Variants in FAM149B1 observed in about 807,000 individuals in gnomAD.
FAM149B1 encodes the protein family with sequence similarity 149 member B1.
A neutral mutation model predicts 75.3 loss-of-function variants in FAM149B1; 56 were observed. That is an observed-to-expected ratio of 0.74 (90% CI 0.60 to 0.93). FAM149B1 has a LOEUF of 0.93. Among genes scored for constraint, FAM149B1 ranks in the 40% least tolerant of loss-of-function variants. The pLI, the probability that FAM149B1 is intolerant of heterozygous loss-of-function variation, is 0.00. For missense variants in FAM149B1, 639 were observed against 708.4 expected (o/e 0.90, Z 1.11); for synonymous variants, 259 against 256.1 (o/e 1.01, Z -0.11).
intron 7 of FAM149B1, among the ~76,000 whole-genome samples, chr10:73,212,080 G>A (rs2043196317): frequency 6.6e-6 from 1 of 152,142 alleles, no homozygotes; most frequent in Non-Finnish European, 1.5e-5. Flanking sequence ...TATTTCGCTA[G>A]GATAATGGCC....
intron 7 of FAM149B1, among the ~76,000 whole-genome samples, chr10:73,222,246 C>G (rs1480186407): frequency 6.6e-6 from 1 of 152,246 alleles, no homozygotes; most frequent in East Asian, 1.9e-4. Flanking sequence ...TCTGGTCTTT[C>G]TTTTATGATT....
chr10:73,204,098 G>T (rs771152622), intron 5 of FAM149B1, among the ~76,000 whole-genome samples: 1 of 151,920 alleles, frequency 6.6e-6, no homozygotes, highest in Non-Finnish European at 1.5e-5. Context: ...TTGTTTAAAA[G>T]TGCCATGGGT....
chr10:73,207,941 A>G (rs1236945444), intron 5 of FAM149B1, among the ~76,000 whole-genome samples: 1 of 152,224 alleles, frequency 6.6e-6, no homozygotes, highest in Non-Finnish European at 1.5e-5. Context: ...CACTGGAATG[A>G]GTCAAGACTT....
rs78991310 is a variant in FAM149B1, at chr10:73,208,697, C to T, written c.621C>T (p.Ser207=). ...HKASSIAKSS[S]FCSMERDEED... is the part of the protein sequence containing the mutation. Reference sequence around the variant, plus strand: ...CATCTTCCATTGCCAAATCCTCCAGCTTTTGTTCTATGGAAAGAGATGAGG... The same window carrying T: ...CATCTTCCATTGCCAAATCCTCCAGTTTTTGTTCTATGGAAAGAGATGAGG... The change falls in exon 6 of 14, where the codon AGC becomes AGT. Residue 207 remains serine, a synonymous_variant. Transcript: ENST00000242505. The T allele has an allele frequency of 1.0e-3, 1,613 of 1,549,016 alleles. No homozygotes were observed. The highest frequency in any genetic ancestry group is 1.4e-3 in the Non-Finnish European group (1,561 of 1,145,290).
At chr10:73,188,742 AAAGGAAGGAAGGAGGGAAGGAAGG>A (rs2042595981) in intron 3 of FAM149B1, among the ~76,000 whole-genome samples, 1 of 130,708 alleles carries the variant, frequency 7.7e-6, no homozygotes, top group Non-Finnish European at 1.6e-5. Flanking sequence ...AGAAAAAAAA[AAAGGAAGGAAGGAGGGAAGGAAGG>A]AAGGAAGGAA....
At chr10:73,185,014 G>A (rs949740632) in intron 3 of FAM149B1, among the ~76,000 whole-genome samples, 4 of 152,036 alleles carry the variant, frequency 2.6e-5, no homozygotes, top group African/African-American at 7.3e-5. Flanking sequence ...CAAGAAAGAA[G>A]AGAGATTGAC....
At chr10:73,178,771 T>C (rs1396336878) in intron 3 of FAM149B1, among the ~76,000 whole-genome samples, 2 of 152,176 alleles carry the variant, frequency 1.3e-5, no homozygotes, top group African/African-American at 4.8e-5. Context: ...GACCAAAATA[T>C]TTACTCAAAA....
intron 7 of FAM149B1, among the ~76,000 whole-genome samples, chr10:73,211,247 C>T (rs912306076): frequency 6.6e-6 from 1 of 152,208 alleles, no homozygotes; most frequent in African/African-American, 2.4e-5. Flanking sequence ...CCCCTGTCTT[C>T]TCCCTAGAGG....
intron 5 of FAM149B1, chr10:73,200,292 A>G (rs749065056): frequency 3.4e-5 from 12 of 352,514 alleles, no homozygotes; most frequent in Non-Finnish European, 6.6e-5. Flanking sequence ...AGATTGCACC[A>G]TTGCACTCCA....
At chr10:73,233,225 ATTAAT>A in intron 10 of FAM149B1, 62 bp downstream of exon 10, 6 of 1,121,024 alleles carry the variant, frequency 5.4e-6, no homozygotes, top group Non-Finnish European at 6.6e-6. Flanking sequence ...TACATACAGA[ATTAAT>A]TTAAATATAA....
In FAM149B1 at chr10:73,244,252, T is replaced by G; in HGVS notation, c.*3233T>G. 1 of 248,732 alleles carries G rather than the reference T, an allele frequency of 4.0e-6. No homozygotes were observed. Among genetic ancestry groups the G allele is most frequent in the Non-Finnish European group, 7.7e-6 (1 of 129,514 alleles). The allele number at this position is 248,732 out of a possible 1,614,324, so 15.4% of individuals were successfully genotyped here. A position where few individuals can be genotyped will look rare whatever the true frequency, so the allele number is the denominator to read the frequency against. ...GGCTCACAACTGTAATCCCCATACCTTGGGAGGCCAAGGTGGGAGGATCAC... is the reference window on the plus strand; with the variant it reads ...GGCTCACAACTGTAATCCCCATACCGTGGGAGGCCAAGGTGGGAGGATCAC... On this transcript the variant is annotated 3_prime_UTR_variant, in exon 14 of 14. Coordinates refer to ENST00000242505, the MANE Select transcript of FAM149B1 (RefSeq NM_173348.2).
In FAM149B1 at chr10:73,210,458, T is replaced by C. The variant is rs199959304; in HGVS notation, c.898+20T>C. On this transcript the variant is annotated intron_variant, in intron 7 of 13. Coordinates refer to ENST00000242505, the MANE Select transcript of FAM149B1 (RefSeq NM_173348.2). ...CCTCTGGTAAGGATCTTTGTGAAAATAATGTAAAAATCAATTGTTTATGAT... is the reference window on the plus strand; with the variant it reads ...CCTCTGGTAAGGATCTTTGTGAAAACAATGTAAAAATCAATTGTTTATGAT... The C allele has an allele frequency of 4.8e-4, 715 of 1,487,678 alleles. 2 individuals are homozygous for C. The highest frequency in any genetic ancestry group is 3.8e-4 in the Non-Finnish European group (413 of 1,098,632). The allele number at this position is 1,487,678 out of a possible 1,614,324, so 92.2% of individuals were successfully genotyped here. A position where few individuals can be genotyped will look rare whatever the true frequency, so the allele number is the denominator to read the frequency against.
At chr10:73,217,346 T>G (rs2043320520) in intron 7 of FAM149B1, among the ~76,000 whole-genome samples, 1 of 152,236 alleles carries the variant, frequency 6.6e-6, no homozygotes, top group Non-Finnish European at 1.5e-5. Context: ...GATACACATT[T>G]CACTTCTTAA....
At chr10:73,227,953 A>C in intron 7 of FAM149B1, 107 bp from the exon 8 acceptor site, 1 of 1,170,020 alleles carries the variant, frequency 8.5e-7, no homozygotes, top group Non-Finnish European at 1.2e-6. Flanking sequence ...AAGATAAGTG[A>C]AGCCTTGTTT....
intron 3 of FAM149B1, among the ~76,000 whole-genome samples, chr10:73,179,098 A>G (rs966309661): frequency 1.3e-5 from 2 of 151,326 alleles, no homozygotes; most frequent in African/African-American, 2.4e-5. Context: ...CTGAGTAGCT[A>G]GGACTATAAG....
rs2043974792 is a variant in FAM149B1, at chr10:73,243,356, T to C, written c.*2337T>C. 1.9e-6 allele frequency: 3 copies of C among 1,607,742 alleles called. No homozygotes were observed. Among genetic ancestry groups the C allele is most frequent in the Non-Finnish European group, 2.5e-6 (3 of 1,178,258 alleles). On this transcript the variant is annotated 3_prime_UTR_variant, in exon 14 of 14. Transcript: ENST00000242505. ...AATCCTGCCTGCACCTTGCCTACGA[T>C]GGCATCAATTTACACCTAAGGACCT...
rs2043750600 is a variant in FAM149B1, at chr10:73,233,180, G to C, written c.1352+17G>C. 12 of 1,504,112 alleles carry C rather than the reference G, an allele frequency of 8.0e-6. No individual in the cohort carries two copies. In the East Asian group the frequency reaches 2.7e-4, roughly 34 times the overall value. 93.2% of individuals were successfully genotyped at this position (1,504,112 alleles called of 1,614,324 possible). A position where few individuals can be genotyped will look rare whatever the true frequency, so the allele number is the denominator to read the frequency against. ...AGCCCGAGTGTAGGTTTCAAAAGCA[G>C]AACTTCTGGAAACCGTGGTAAAACT... On this transcript the variant is annotated intron_variant, in intron 10 of 13. Coordinates refer to ENST00000242505, the MANE Select transcript of FAM149B1 (RefSeq NM_173348.2).
chr10:73,226,697 G>C (rs1347068847), intron 7 of FAM149B1, among the ~76,000 whole-genome samples: 2 of 152,176 alleles, frequency 1.3e-5, no homozygotes, highest in African/African-American at 4.8e-5. Flanking sequence ...AGTATATAGA[G>C]TAGTTCCTGT....
chr10:73,175,446 G>C (rs897410262), intron 2 of FAM149B1, among the ~76,000 whole-genome samples: 13 of 152,048 alleles, frequency 8.5e-5, no homozygotes, highest in Non-Finnish European at 1.6e-4. Context: ...GAGGTGCACG[G>C]ATCACGAGGT....
Sources: allele counts gnomAD v4.1 joint callset (sites outside exome capture counted in the v4.1 genomes callset), GRCh38; gene constraint gnomAD v4.1.1; transcripts MANE v1.5; gene names NCBI Gene and HGNC (gene_info 2026-07-23, HGNC 2026-07-21).